The following TNS3 variants were observed in gnomAD, a reference collection of about 807,000 sequenced individuals.
TNS3 encodes the protein tensin 3.
A neutral mutation model predicts 140.9 loss-of-function variants in TNS3; 45 were observed. The observed-to-expected ratio is 0.32, with a 90% CI of 0.25 to 0.41. The LOEUF is 0.41. Among genes scored for constraint, TNS3 ranks in the 10% least tolerant of loss-of-function variants. The probability of loss-of-function intolerance (pLI) is 1.00; values close to 1 mark genes in which losing one functional copy is unlikely to be tolerated. For synonymous variants in TNS3, 815 were observed against 788.4 expected, an observed-to-expected ratio of 1.03 and a Z score of -0.56; for missense variants, 1,716 against 1,906.7, an observed-to-expected ratio of 0.90 and a Z score of 1.86.
intron 1 of TNS3, among the ~76,000 whole-genome samples, chr7:47,538,177 A>G (rs1584832145): frequency 6.6e-6 from 1 of 152,154 alleles, no homozygotes. Context: ...AGAGGCGGGC[A>G]AGATCCACAG....
Position 47,275,901 on chromosome 7 carries a change from G to T in TNS3, c.*2175C>A, listed in dbSNP as rs528758449. 2.2e-6 allele frequency: 1 copy of T among 455,768 alleles called. No individual in the cohort carries two copies. The highest frequency in any genetic ancestry group is 7.0e-5 in the East Asian group (1 of 14,378). 28.2% of individuals were successfully genotyped at this position (455,768 alleles called of 1,614,324 possible). ...CGATGTCTCTGTGATTCCCTGGCAG[G>T]CTGCGTTTCTCAATACTGAGACCCT... On this transcript the variant is annotated 3_prime_UTR_variant, in exon 31 of 31. Transcript: ENST00000311160.
rs376160673 is a variant in TNS3, at chr7:47,368,781, A to G, written c.1865T>C (p.Leu622Pro). 4.0e-4 allele frequency: 634 copies of G among 1,600,168 alleles called. 2 individuals carry two copies. Among genetic ancestry groups the G allele is most frequent in the Admixed American group, 9.3e-4 (55 of 59,358 alleles). Residue 622 changes from leucine (L) to proline (P), a missense_variant, in exon 17 of 31, where the codon CTC (leucine) becomes CCC (proline). Physicochemically the swap from Leu to Pro is moderately conservative, Grantham distance 98. Coordinates refer to ENST00000311160, the MANE Select transcript of TNS3 (RefSeq NM_022748.12). ...TGGCACTCTGGGCTGGGCCTGGACG[A>G]GGCCAGGATTGTCTGCAGGGCAGCG... ...VSRCPADNPG[L>P]VQAQPRVPLT...
At chr7:47,316,083 T>A (rs1038412567) in intron 20 of TNS3, among the ~76,000 whole-genome samples, 4 of 142,720 alleles carry the variant, frequency 2.8e-5, no homozygotes, top group Non-Finnish European at 4.6e-5. Flanking sequence ...ACTATCCACC[T>A]AACTAACTAT....
At chr7:47,448,807 T>C (rs1310122128) in intron 4 of TNS3, among the ~76,000 whole-genome samples, 2 of 152,082 alleles carry the variant, frequency 1.3e-5, no homozygotes, top group Non-Finnish European at 2.9e-5. Context: ...CCTATGTCCT[T>C]CGACTGCTTG....
chr7:47,296,392 C>T (rs568481873), intron 24 of TNS3, among the ~76,000 whole-genome samples: 85 of 152,222 alleles, frequency 5.6e-4, no homozygotes, highest in African/African-American at 8.2e-4. Flanking sequence ...TGGAAGACAG[C>T]GTGGCGATTC....
intron 3 of TNS3, among the ~76,000 whole-genome samples, chr7:47,504,307 A>G (rs551035655): frequency 3.9e-5 from 6 of 152,152 alleles, no homozygotes; most frequent in Non-Finnish European, 7.4e-5. Context: ...GTTTCTCCAC[A>G]TTGTCAGTGC....
chr7:47,415,620 C>T (rs551366187), intron 10 of TNS3, among the ~76,000 whole-genome samples: 32 of 152,376 alleles, frequency 2.1e-4, no homozygotes, highest in African/African-American at 7.2e-4. Context: ...TCACATGACC[C>T]AGGCCCAGAA....
At chr7:47,448,809 G>A (rs974705409) in intron 4 of TNS3, among the ~76,000 whole-genome samples, 37 of 152,110 alleles carry the variant, frequency 2.4e-4, no homozygotes, top group African/African-American at 7.5e-4. Context: ...TATGTCCTTC[G>A]ACTGCTTGTT....
rs142149046 is a variant in TNS3, at chr7:47,306,342, T to C, written c.2651-1339A>G. Reference sequence around the variant, plus strand: ...TACAGGATGTAATATCCTGGTTTTTTAAAAAAAATTGATCTCTACAGAATT... The same window carrying C: ...TACAGGATGTAATATCCTGGTTTTTCAAAAAAAATTGATCTCTACAGAATT... On this transcript the variant is annotated intron_variant, in intron 20 of 30. Transcript: ENST00000311160. 1.6e-3 allele frequency among the ~76,000 whole-genome samples: 242 copies of C among 152,166 alleles called. 1 individual carries two copies. The highest frequency in any genetic ancestry group is 3.3e-3 in the Admixed American group (51 of 15,276).
intron 2 of TNS3, among the ~76,000 whole-genome samples, chr7:47,510,860 T>TAAAAAAAA (rs34323744): frequency 7.8e-6 from 1 of 128,320 alleles, no homozygotes. Flanking sequence ...AGACTGTCTT[T>TAAAAAAAA]AAAAAAAAAA....
intron 1 of TNS3, among the ~76,000 whole-genome samples, chr7:47,569,966 T>A (rs1268588865): frequency 6.6e-6 from 1 of 151,794 alleles, no homozygotes; most frequent in African/African-American, 2.4e-5. Context: ...CTGGCCAACA[T>A]GGTGAAACCC....
rs116529298 is a variant in TNS3 at position 47,307,451 on chromosome 7, G to A, written c.2651-2448C>T. Reference sequence around the variant, plus strand: ...CTATGGGGCTGCTACATATAAAGCTGCAATGAGTATTTTTAGACACTTTTG... The same window carrying A: ...CTATGGGGCTGCTACATATAAAGCTACAATGAGTATTTTTAGACACTTTTG... On this transcript the variant is annotated intron_variant, in intron 20 of 30. Transcript: ENST00000311160. 2.2e-3 allele frequency among the ~76,000 whole-genome samples: 342 copies of A among 152,302 alleles called. 1 individual carries two copies. The highest frequency in any genetic ancestry group is 7.5e-3 in the African/African-American group (311 of 41,558).
intron 1 of TNS3, among the ~76,000 whole-genome samples, chr7:47,549,282 G>A (rs1800000204): frequency 6.6e-6 from 1 of 152,168 alleles, no homozygotes; most frequent in South Asian, 2.1e-4. Context: ...CACGAGGTCA[G>A]GAGATTGAGA....
At chr7:47,578,184 GC>G (rs1800718073) in intron 1 of TNS3, among the ~76,000 whole-genome samples, 1 of 151,990 alleles carries the variant, frequency 6.6e-6, no homozygotes, top group Non-Finnish European at 1.5e-5. Flanking sequence ...ATGGTGGTAT[GC>G]GCCTGTAATC....
At chr7:47,358,625 C>A (rs1021070590) in intron 17 of TNS3, among the ~76,000 whole-genome samples, 1 of 152,226 alleles carries the variant, frequency 6.6e-6, no homozygotes, top group East Asian at 1.9e-4. Flanking sequence ...GCCGGCAGTG[C>A]TCTCGGGAGT....
At chr7:47,281,918 C>G (rs1333708926) in intron 28 of TNS3, among the ~76,000 whole-genome samples, 1 of 145,842 alleles carries the variant, frequency 6.9e-6, no homozygotes, top group Non-Finnish European at 1.5e-5. Flanking sequence ...TGCAGCCTAG[C>G]CATGCCCCTG....
intron 1 of TNS3, among the ~76,000 whole-genome samples, chr7:47,562,290 T>C (rs1800332409): frequency 6.6e-6 from 1 of 152,142 alleles, no homozygotes; most frequent in Admixed American, 6.5e-5. Context: ...TCATTGATAG[T>C]TATCTTAAGT....
At chr7:47,539,166 A>G (rs1277128229) in intron 1 of TNS3, 2 of 456,174 alleles carry the variant, frequency 4.4e-6, no homozygotes, top group Non-Finnish European at 8.8e-6. Context: ...CCTGAGTACC[A>G]GGATTCATAC....
At chr7:47,382,533 A>C (rs1791831963) in intron 16 of TNS3, among the ~76,000 whole-genome samples, 1 of 152,178 alleles carries the variant, frequency 6.6e-6, no homozygotes, top group Admixed American at 6.5e-5. Flanking sequence ...TTTGGCCAGA[A>C]GGCAGTTCTG....
Sources: allele counts gnomAD v4.1 joint callset (sites outside exome capture counted in the v4.1 genomes callset), GRCh38; gene constraint gnomAD v4.1.1; transcripts MANE v1.5; gene names NCBI Gene and HGNC (gene_info 2026-07-23, HGNC 2026-07-21).